DNAH5: variants seen among roughly 807,000 people sequenced by gnomAD.
DNAH5 encodes the protein dynein axonemal heavy chain 5.
In DNAH5, 372 loss-of-function variants were observed where a neutral mutation model predicts 518.2. The observed-to-expected ratio is 0.72, with a 90% confidence interval of 0.66 to 0.78. The LOEUF is 0.78. Ranked by LOEUF, DNAH5 falls within the 30% of genes least tolerant of loss-of-function variation. The pLI is 0.00. For missense variants in DNAH5, 5,523 were observed against 5,687.0 expected, an observed-to-expected ratio of 0.97 and a Z score of 0.93; for synonymous variants, 2,039 against 2,025.9, an observed-to-expected ratio of 1.01 and a Z score of -0.17.
rs763771549 is a variant in DNAH5 at position 13,901,323 on chromosome 5, G to A, written c.1981C>T (p.Arg661Cys). Reference sequence around the variant, plus strand: ...ACCTTGGCCATCCTGTTGTAACTGCGAATTATAGGTTTGGCTTCTGCCGTG... The same window carrying A: ...ACCTTGGCCATCCTGTTGTAACTGCAAATTATAGGTTTGGCTTCTGCCGTG... ...LSTAEAKPIIRSYNRMAKVLL... is the reference protein window; with the variant it reads ...LSTAEAKPIICSYNRMAKVLL... Residue 661 changes from arginine (R) to cysteine (C), a missense_variant, in exon 14 of 79, where the codon CGC (arginine) becomes TGC (cysteine). Arg to Cys is a radical substitution (Grantham distance 180, BLOSUM62 -3). Coordinates refer to ENST00000265104, the MANE Select transcript of DNAH5 (RefSeq NM_001369.3). 1.1e-5 allele frequency: 18 copies of A among 1,614,028 alleles called. No individual in the cohort carries two copies. Among genetic ancestry groups the A allele is most frequent in the Admixed American group, 5.0e-5 (3 of 60,002 alleles).
At chr5:13,769,249 T>C (rs909814592) in intron 57 of DNAH5, 113 bp from the exon 58 acceptor site, 1 of 534,880 alleles carries the variant, frequency 1.9e-6, no homozygotes, top group Non-Finnish European at 2.6e-6. Context: ...GTTTTGTTGT[T>C]TTTTTTTTTT....
At chr5:13,811,297 T>C (rs886172441) in intron 44 of DNAH5, among the ~76,000 whole-genome samples, 1 of 152,232 alleles carries the variant, frequency 6.6e-6, no homozygotes, top group Admixed American at 6.5e-5. Context: ...AAATATCTCA[T>C]GTACCCCATA....
intron 58 of DNAH5, 28 bp from the exon 59 acceptor site, chr5:13,766,207 A>G (rs542642954): frequency 6.2e-7 from 1 of 1,610,834 alleles, no homozygotes; most frequent in Admixed American, 1.7e-5. Context: ...CGATCACCCA[A>G]CCACAGATAG....
chr5:13,835,719 C>T (rs570321208), intron 35 of DNAH5, among the ~76,000 whole-genome samples: 8 of 152,244 alleles, frequency 5.3e-5, no homozygotes, highest in African/African-American at 1.4e-4. Flanking sequence ...TACTGTTTTC[C>T]CCTGTTTACG....
At chr5:13,909,026 A>C (rs1217944318) in intron 12 of DNAH5, among the ~76,000 whole-genome samples, 2 of 152,256 alleles carry the variant, frequency 1.3e-5, no homozygotes, top group East Asian at 3.8e-4. Flanking sequence ...AAAGGAATAA[A>C]GAAGTGTAAG....
intron 71 of DNAH5, among the ~76,000 whole-genome samples, chr5:13,720,718 A>G (rs906089987): frequency 1.3e-5 from 2 of 152,152 alleles, no homozygotes; most frequent in Non-Finnish European, 2.9e-5. Flanking sequence ...ATCTTCACCC[A>G]CAGAATCCCA....
chr5:13,794,318 G>A (rs181896918), intron 47 of DNAH5, among the ~76,000 whole-genome samples: 97 of 152,354 alleles, frequency 6.4e-4, no homozygotes, highest in African/African-American at 2.2e-3. Context: ...AGACTCGTCT[G>A]TCCATTTCTA....
At chr5:13,897,144 T>C (rs901332164) in intron 15 of DNAH5, among the ~76,000 whole-genome samples, 18 of 152,226 alleles carry the variant, frequency 1.2e-4, no homozygotes, top group Non-Finnish European at 1.6e-4. Flanking sequence ...ATTTCCCAGA[T>C]GGACCTCATA....
At chr5:13,826,342 A>T (rs1320065032) in intron 38 of DNAH5, among the ~76,000 whole-genome samples, 1 of 152,182 alleles carries the variant, frequency 6.6e-6, no homozygotes, top group Non-Finnish European at 1.5e-5. Context: ...AGCATGGAAA[A>T]AATATTTATT....
intron 15 of DNAH5, chr5:13,899,531 T>C (rs1442336351): frequency 6.6e-6 from 1 of 152,394 alleles, no homozygotes; most frequent in Non-Finnish European, 1.5e-5. Flanking sequence ...CTTGGCTGTC[T>C]AAAAACTATC....
At chr5:13,876,849 A>T in intron 21 of DNAH5, 32 bp from the exon 22 acceptor site, 1 of 1,604,856 alleles carries the variant, frequency 6.2e-7, no homozygotes, top group Non-Finnish European at 8.5e-7. Context: ...AAAACTTTAC[A>T]CTACTCACAC....
intron 1 of DNAH5, among the ~76,000 whole-genome samples, chr5:13,992,565 T>C (rs1783631958): frequency 6.6e-6 from 1 of 152,254 alleles, no homozygotes; most frequent in African/African-American, 2.4e-5. Flanking sequence ...GCCAGTGGCC[T>C]AAAAACCTGA....
rs1301152505 is a variant in DNAH5, at chr5:13,701,351, C to T, written c.13424G>A (p.Gly4475Asp). Residue 4475 changes from glycine to aspartate, a missense_variant, in exon 77 of 79, where the codon GGC becomes GAC. This residue lies in a region of DNAH5 where 387 missense variants were observed against 430.0 expected (regional missense o/e 0.90). Transcript: ENST00000265104. Reference protein sequence around the residue: ...NSQFTSWVFNGRPHCFWMTGF... With the variant: ...NSQFTSWVFNDRPHCFWMTGF... Reference sequence around the variant, plus strand: ...CGTCATCCAAAAGCAGTGAGGTCGGCCATTGAAAACCCACGAGGTAAACTG... The same window carrying T: ...CGTCATCCAAAAGCAGTGAGGTCGGTCATTGAAAACCCACGAGGTAAACTG... 1 of 1,613,988 alleles carries T rather than the reference C, an allele frequency of 6.2e-7. No homozygotes were observed. The highest frequency in any genetic ancestry group is 1.7e-5 in the Admixed American group (1 of 60,008).
intron 31 of DNAH5, among the ~76,000 whole-genome samples, chr5:13,845,954 C>G (rs1248019478): frequency 6.6e-6 from 1 of 150,684 alleles, no homozygotes; most frequent in Non-Finnish European, 1.5e-5. Flanking sequence ...CTTCAGCCTC[C>G]GAAGTGGCTG....
At chr5:13,780,165 T>C (rs1754878675) in intron 53 of DNAH5, among the ~76,000 whole-genome samples, 1 of 152,228 alleles carries the variant, frequency 6.6e-6, no homozygotes, top group Admixed American at 6.5e-5. Context: ...TCAGTCTTCC[T>C]CATATTGAGG....
intron 12 of DNAH5, among the ~76,000 whole-genome samples, chr5:13,908,878 A>T (rs1431422899): frequency 6.6e-6 from 1 of 152,150 alleles, no homozygotes; most frequent in Non-Finnish European, 1.5e-5. Flanking sequence ...TCCTGGACGC[A>T]TCACCGCCCT....
intron 32 of DNAH5, among the ~76,000 whole-genome samples, chr5:13,842,608 AAG>A (rs1295968720): frequency 6.6e-6 from 1 of 152,094 alleles, no homozygotes; most frequent in Non-Finnish European, 1.5e-5. Flanking sequence ...AAAATCTCTA[AAG>A]TTTCTCAGAT....
At chr5:13,894,629 T>C in intron 16 of DNAH5, 21 bp downstream of exon 16, 2 of 1,612,292 alleles carry the variant, frequency 1.2e-6, no homozygotes, top group Non-Finnish European at 1.7e-6. Context: ...TCAGAAATAC[T>C]AATTATTCAG....
chr5:13,891,625 T>C (rs1413572170), intron 16 of DNAH5, among the ~76,000 whole-genome samples: 4 of 152,176 alleles, frequency 2.6e-5, no homozygotes. Flanking sequence ...CATCCTTCCG[T>C]CTCTGCGGAT....
Sources: allele counts gnomAD v4.1 joint callset (sites outside exome capture counted in the v4.1 genomes callset), GRCh38; gene constraint gnomAD v4.1.1; regional missense constraint gnomAD v4.1.1; transcripts MANE v1.5; gene names NCBI Gene and HGNC (gene_info 2026-07-23, HGNC 2026-07-21).